Variants in CAPN8 observed in about 807,000 individuals in gnomAD.
CAPN8 encodes the protein calpain-8.
Under a neutral mutation model 80.9 loss-of-function variants are expected in CAPN8, and 87 were observed. That is an observed-to-expected ratio of 1.07 (90% CI 0.90 to 1.28). The LOEUF (loss-of-function observed/expected upper bound fraction) is 1.28, where lower values mean the gene tolerates loss of function less well. Among genes scored for constraint, CAPN8 ranks in the 50% most tolerant of loss-of-function variants. The pLI is 0.00. For synonymous variants in CAPN8, 299 were observed against 273.8 expected, an observed-to-expected ratio of 1.09 and a Z score of -0.91; for missense variants, 757 against 702.0, an observed-to-expected ratio of 1.08 and a Z score of -0.89.
chr1:223,549,396 T>C lies in CAPN8; in HGVS notation c.1700-14A>G, dbSNP rs754252437. 1.4e-5 allele frequency: 21 copies of C among 1,551,642 alleles called. No individual in the cohort carries two copies. In the South Asian group the frequency reaches 2.1e-4, roughly 16 times the overall value. ...TTATGTCTGTTCCTAAAGATTTAAATAGAAAAGGGGAGTGGGAATCGGATC... is the reference window on the plus strand; with the variant it reads ...TTATGTCTGTTCCTAAAGATTTAAACAGAAAAGGGGAGTGGGAATCGGATC... On this transcript the variant is annotated splice_polypyrimidine_tract_variant and intron_variant, in intron 15 of 20. Coordinates refer to ENST00000366872, the MANE Select transcript of CAPN8 (RefSeq NM_001143962.2).
chr1:223,650,645 C>T (rs912133553), intron 2 of CAPN8, among the ~76,000 whole-genome samples: 1 of 152,028 alleles, frequency 6.6e-6, no homozygotes, highest in Non-Finnish European at 1.5e-5. Context: ...GTGCCAGGAA[C>T]ATTTAGATCC....
At chr1:223,614,364 C>A (rs1218579034) in intron 10 of CAPN8, among the ~76,000 whole-genome samples, 1 of 149,996 alleles carries the variant, frequency 6.7e-6, no homozygotes, top group Non-Finnish European at 1.5e-5. Flanking sequence ...CACAGCACTG[C>A]ACTCCAGCCT....
At chr1:223,626,914 T>A (rs966918629) in intron 5 of CAPN8, 75 bp downstream of exon 5, 2 of 1,471,668 alleles carry the variant, frequency 1.4e-6, no homozygotes, top group Non-Finnish European at 1.8e-6. Context: ...TCTCTCCCGC[T>A]GTCTCATCCC....
intron 9 of CAPN8, 88 bp downstream of exon 9, chr1:223,619,205 C>T (rs946631894): frequency 3.4e-6 from 5 of 1,479,082 alleles, no homozygotes; most frequent in Admixed American, 4.4e-5. Context: ...AAAAAACACA[C>T]AAAATAGCAC....
chr1:223,633,752 C>A (rs1473098557), intron 2 of CAPN8, among the ~76,000 whole-genome samples: 1 of 152,182 alleles, frequency 6.6e-6, no homozygotes, highest in Non-Finnish European at 1.5e-5. Flanking sequence ...CAAAAATTCC[C>A]TTTACACATT....
chr1:223,650,041 C>T (rs1658304364), intron 2 of CAPN8, among the ~76,000 whole-genome samples: 1 of 152,150 alleles, frequency 6.6e-6, no homozygotes, highest in Non-Finnish European at 1.5e-5. Flanking sequence ...GCCAGAGGTG[C>T]ACCAAGAAGA....
Position 223,654,470 on chromosome 1 carries a change from ATCAGAGTCCCAGGT to A in CAPN8, c.238-85_238-72del, listed in dbSNP as rs1001451164. The stretch of plus-strand genomic sequence containing the variant: ...ATGGCAGCAGCCTGGGGAAAGGAAC[ATCAGAGTCCCAGGT>A]TGCAGAGCTGGAAGAAACCCAGGAT... On this transcript the variant is annotated intron_variant, in intron 1 of 20. Transcript: ENST00000366872. The A allele has an allele frequency of 7.3e-5, 100 of 1,361,382 alleles. No individual in the cohort carries two copies. In the Middle Eastern group the frequency reaches 1.8e-3, roughly 25 times the overall value. 84.3% of individuals were successfully genotyped at this position (1,361,382 alleles called of 1,614,324 possible).
chr1:223,626,982 G>T lies in CAPN8; in HGVS notation c.729+7C>A. 6.5e-7 allele frequency: 1 copy of T among 1,550,028 alleles called. No individual in the cohort carries two copies. Among genetic ancestry groups the T allele is most frequent in the Non-Finnish European group, 8.7e-7 (1 of 1,145,672 alleles). On this transcript the variant is annotated splice_region_variant and intron_variant, in intron 5 of 20. Transcript: ENST00000366872. The stretch of plus-strand genomic sequence containing the variant: ...AGGTGGGGCAGTAGAGAAGCCATAT[G>T]CCTCACATCAATGGAGCAGCCCAGC...
rs997453743 is a variant in CAPN8 at position 223,622,842 on chromosome 1, A to G, written c.872T>C (p.Val291Ala). The G allele has an allele frequency of 2.6e-6, 4 of 1,551,626 alleles. No individual in the cohort carries two copies. The African/African-American group carries it at 5.5e-5, about 21-fold the overall frequency. Reference protein sequence around the residue: ...LIRLRNPWGEVEWSGAWSDDA... With the variant: ...LIRLRNPWGEAEWSGAWSDDA... Reference sequence around the variant, plus strand: ...ATCGCTCCAGGCTCCCGACCACTCCACTTCACCCCATGGATTCCTGAGTCT... The same window carrying G: ...ATCGCTCCAGGCTCCCGACCACTCCGCTTCACCCCATGGATTCCTGAGTCT... Residue 291 changes from valine (V) to alanine (A), a missense_variant, in exon 7 of 21, where the codon GTG (valine) becomes GCG (alanine). Val to Ala is a moderately conservative substitution (Grantham distance 64, BLOSUM62 0). Coordinates refer to ENST00000366872, the MANE Select transcript of CAPN8 (RefSeq NM_001143962.2).
chr1:223,660,886 G>A (rs892348842), intron 1 of CAPN8, among the ~76,000 whole-genome samples: 1 of 152,208 alleles, frequency 6.6e-6, no homozygotes, highest in Middle Eastern at 3.2e-3. Context: ...GGGCAAAGGG[G>A]CTGGGCACAA....
At chr1:223,655,650 A>T (rs1377266869) in intron 1 of CAPN8, among the ~76,000 whole-genome samples, 1 of 152,214 alleles carries the variant, frequency 6.6e-6, no homozygotes, top group African/African-American at 2.4e-5. Context: ...TATATCCACA[A>T]AGGGAGAAAA....
chr1:223,634,048 C>T (rs928221064), intron 2 of CAPN8, among the ~76,000 whole-genome samples: 1 of 152,202 alleles, frequency 6.6e-6, no homozygotes, highest in Non-Finnish European at 1.5e-5. Flanking sequence ...GTATGCCCTG[C>T]TGCCCATTCA....
chr1:223,557,767 T>C (rs1656938601), intron 13 of CAPN8, among the ~76,000 whole-genome samples: 1 of 152,216 alleles, frequency 6.6e-6, no homozygotes, highest in Non-Finnish European at 1.5e-5. Context: ...TCATCATTTG[T>C]CCTCCAAAAG....
intron 1 of CAPN8, among the ~76,000 whole-genome samples, chr1:223,660,275 A>C (rs1658610419): frequency 6.6e-6 from 1 of 152,206 alleles, no homozygotes; most frequent in South Asian, 2.1e-4. Flanking sequence ...ACTGCACTGC[A>C]CCAGGGCCTG....
At chr1:223,611,221 A>G (rs554914391) in intron 11 of CAPN8, among the ~76,000 whole-genome samples, 3 of 152,192 alleles carry the variant, frequency 2.0e-5, no homozygotes, top group Non-Finnish European at 2.9e-5. Context: ...GGTAGGAGGT[A>G]GGACTCAACT....
Position 223,665,482 on chromosome 1 carries a change from T to A in CAPN8, c.165A>T (p.Pro55=), listed in dbSNP as rs1312092984. 1.9e-6 allele frequency: 3 copies of A among 1,551,898 alleles called. No individual in the cohort carries two copies. In the East Asian group the frequency reaches 7.3e-5, roughly 38 times the overall value. ...LFKDPEFPAC[P]SALGYKDLGP... ...CAAGATCCTTGTAGCCCAAAGCTGA[T>A]GGACATGCTGGGAACTCAGGGTCCT... Residue 55 remains proline, a synonymous_variant, in exon 1 of 21, where the codon CCA becomes CCT. Coordinates refer to ENST00000366872, the MANE Select transcript of CAPN8 (RefSeq NM_001143962.2).
chr1:223,633,031 A>G (rs187666773), intron 2 of CAPN8, among the ~76,000 whole-genome samples: 3 of 152,342 alleles, frequency 2.0e-5, no homozygotes, highest in Admixed American at 2.0e-4. Flanking sequence ...TCAGCATAGG[A>G]GAGTGCAGAG....
At chr1:223,635,204 C>T (rs1657883760) in intron 2 of CAPN8, among the ~76,000 whole-genome samples, 1 of 152,320 alleles carries the variant, frequency 6.6e-6, no homozygotes, top group South Asian at 2.1e-4. Context: ...TGTTTTTATA[C>T]ACAGGGAGCT....
At chr1:223,633,717 A>T (rs954871509) in intron 2 of CAPN8, among the ~76,000 whole-genome samples, 5 of 152,226 alleles carry the variant, frequency 3.3e-5, no homozygotes, top group Admixed American at 3.3e-4. Flanking sequence ...TGAATCAGAC[A>T]TTGTTAAAAA....
Sources: gnomAD v4.1 joint callset for allele counts (sites outside exome capture counted in the v4.1 genomes callset) on GRCh38, gnomAD v4.1.1 for gene constraint, MANE v1.5 for transcripts, NCBI Gene and HGNC (gene_info 2026-07-23, HGNC 2026-07-21) for gene names.